The following CPT1A variants were observed in gnomAD, a reference collection of about 807,000 sequenced individuals.
The protein encoded by CPT1A is carnitine O-palmitoyltransferase 1, liver isoform.
In CPT1A, 64 loss-of-function variants were observed where a neutral mutation model predicts 100.8. That is an observed-to-expected ratio of 0.63 (90% CI 0.52 to 0.78). The LOEUF is 0.78. Ranked by LOEUF, CPT1A falls within the 30% of genes least tolerant of loss-of-function variation. The probability of loss-of-function intolerance (pLI) is 0.00; values close to 1 mark genes in which losing one functional copy is unlikely to be tolerated. For synonymous variants in CPT1A, 363 were observed against 396.0 expected (o/e 0.92, Z 0.99); for missense variants, 802 against 1,034.1 (o/e 0.78, Z 3.08).
At chr11:68,801,750 T>C (rs779242981) in intron 5 of CPT1A, among the ~76,000 whole-genome samples, 1 of 148,072 alleles carries the variant, frequency 6.8e-6, no homozygotes, top group Non-Finnish European at 1.5e-5. Context: ...AGTTTTAAAA[T>C]TGGAGTCCCA....
chr11:68,802,011 C>T (rs1054389584), intron 5 of CPT1A, among the ~76,000 whole-genome samples: 5 of 152,146 alleles, frequency 3.3e-5, no homozygotes, highest in African/African-American at 1.2e-4. Flanking sequence ...ACTCTAAAGA[C>T]ATGCTAGTCA....
At chr11:68,784,303 G>A (rs928409545) in intron 10 of CPT1A, among the ~76,000 whole-genome samples, 91 of 152,326 alleles carry the variant, frequency 6.0e-4, no homozygotes, top group African/African-American at 2.1e-3. Flanking sequence ...GTTCATGCCT[G>A]TAATCCCAGA....
upstream of CPT1A, among the ~76,000 whole-genome samples, chr11:68,842,517 C>A (rs2154003444): frequency 6.6e-6 from 1 of 152,254 alleles, no homozygotes; most frequent in Admixed American, 6.5e-5. Flanking sequence ...CCAAATCAGA[C>A]CTTATACCAC....
chr11:68,796,834 C>T (rs749216932), intron 7 of CPT1A, 22 bp downstream of exon 7: 2 of 1,612,086 alleles, frequency 1.2e-6, no homozygotes, highest in East Asian at 2.2e-5. Flanking sequence ...CGTCAGACAG[C>T]AGCCCGGGCG....
intron 16 of CPT1A, among the ~76,000 whole-genome samples, chr11:68,761,296 G>A (rs1488646538): frequency 2.0e-5 from 3 of 150,604 alleles, no homozygotes; most frequent in South Asian, 2.2e-4. Flanking sequence ...TTACTGTGAC[G>A]TAAGCTCTCG....
chr11:68,827,816 CTG>C (rs1295639209), intron 1 of CPT1A, among the ~76,000 whole-genome samples: 4 of 152,182 alleles, frequency 2.6e-5, no homozygotes, highest in Admixed American at 2.6e-4. Context: ...GCTGCCTACT[CTG>C]TGCGCGGTCC....
intron 1 of CPT1A, among the ~76,000 whole-genome samples, chr11:68,838,856 CG>C (rs1257404935): frequency 1.3e-5 from 2 of 152,200 alleles, no homozygotes; most frequent in Non-Finnish European, 2.9e-5. Context: ...GCGTGAGCCA[CG>C]GGGCCGGGCC....
rs1388530890 is a variant in CPT1A at position 68,812,368 on chromosome 11, A to G, written c.281+69T>C. 1.9e-6 allele frequency: 3 copies of G among 1,574,980 alleles called. No individual in the cohort carries two copies. The African/African-American group carries it at 4.0e-5, about 21-fold the overall frequency. ...AGAACAGTGACAATCATCACATTTG[A>G]AGAGACATAAAAACAGCAATAAAAT... On this transcript the variant is annotated intron_variant, in intron 3 of 18. Transcript: ENST00000265641.
In CPT1A at chr11:68,793,386, G is replaced by A; in HGVS notation, c.896C>T (p.Ser299Phe). 6.2e-7 allele frequency: 1 copy of A among 1,610,816 alleles called. No individual in the cohort carries two copies. The highest frequency in any genetic ancestry group is 2.2e-5 in the East Asian group (1 of 44,842). The change falls in exon 9 of 19, where the codon TCC becomes TTC. Residue 299 changes from serine to phenylalanine, a missense_variant. Physicochemically the swap from Ser to Phe is radical, Grantham distance 155. This residue lies in a region of CPT1A where 627 missense variants were observed against 799.3 expected (regional missense o/e 0.78). Transcript: ENST00000265641. ...EEIKPIRLLG[S>F]TIPLCSAQWE... is the part of the protein sequence containing the mutation. ...CTGAGCGGAGCAGAGTGGAATCGTG[G>A]ATCCCAAAAGACGAATCTGTAACAA...
intron 6 of CPT1A, among the ~76,000 whole-genome samples, 177 bp from the exon 7 acceptor site, chr11:68,797,110 G>A (rs552998720): frequency 1.3e-5 from 2 of 152,274 alleles, no homozygotes; most frequent in South Asian, 2.1e-4. Flanking sequence ...ATGCGACACC[G>A]TGGGAAATGA....
chr11:68,820,224 G>A (rs982063100), intron 1 of CPT1A, among the ~76,000 whole-genome samples: 10 of 151,864 alleles, frequency 6.6e-5, no homozygotes, highest in South Asian at 2.1e-4. Flanking sequence ...TAGAGACAGC[G>A]TTTCACCACC....
At chr11:68,814,341 C>T (rs113139471) in intron 2 of CPT1A, among the ~76,000 whole-genome samples, 1 of 152,072 alleles carries the variant, frequency 6.6e-6, no homozygotes, top group Non-Finnish European at 1.5e-5. Flanking sequence ...GAGTCTCGCT[C>T]TCTCACCCAG....
At chr11:68,764,701 A>G (rs1404995260) in intron 14 of CPT1A, among the ~76,000 whole-genome samples, 3 of 152,226 alleles carry the variant, frequency 2.0e-5, no homozygotes, top group Non-Finnish European at 2.9e-5. Flanking sequence ...GAAAGGCAGA[A>G]GGTAGCGTCC....
chr11:68,757,980 C>T (rs1946724921), intron 18 of CPT1A, among the ~76,000 whole-genome samples: 1 of 152,184 alleles, frequency 6.6e-6, no homozygotes, highest in African/African-American at 2.4e-5. Context: ...ATGCGTTTAT[C>T]CCACGGAAAA....
At position 68,793,521 on chromosome 11, in the gene CPT1A, G is replaced by A. The variant is rs542609446; in HGVS notation, c.880-119C>T. Reference sequence around the variant, plus strand: ...AACACTTTGGGAGGCTGAGGCGGGCGGATCACGAGGTCAGTAGATGGAGAC... The same window carrying A: ...AACACTTTGGGAGGCTGAGGCGGGCAGATCACGAGGTCAGTAGATGGAGAC... On this transcript the variant is annotated intron_variant, in intron 8 of 18. Transcript: ENST00000265641. The A allele has an allele frequency of 2.2e-5, 15 of 694,448 alleles. No individual in the cohort carries two copies. The East Asian group carries it at 3.2e-4, about 15-fold the overall frequency. 43.0% of individuals were successfully genotyped at this position (694,448 alleles called of 1,614,324 possible). A position where few individuals can be genotyped will look rare whatever the true frequency, so the allele number is the denominator to read the frequency against.
chr11:68,767,827 A>G (rs1854852983), intron 14 of CPT1A, among the ~76,000 whole-genome samples: 1 of 152,082 alleles, frequency 6.6e-6, no homozygotes, highest in African/African-American at 2.4e-5. Flanking sequence ...TTTGTGTAAC[A>G]AATATGTAAC....
At chr11:68,788,427 C>T (rs1252866249) in intron 9 of CPT1A, among the ~76,000 whole-genome samples, 2 of 151,754 alleles carry the variant, frequency 1.3e-5, no homozygotes, top group African/African-American at 2.4e-5. Context: ...GGCAAAACCC[C>T]GTCTCTATTA....
intron 1 of CPT1A, among the ~76,000 whole-genome samples, chr11:68,824,248 CAAAAA>C (rs34276531): frequency 1.4e-5 from 1 of 69,118 alleles, no homozygotes; most frequent in Non-Finnish European, 3.3e-5. Context: ...AGCTCCATCT[CAAAAA>C]AAAAAAAAAA....
intron 9 of CPT1A, chr11:68,785,778 G>T: frequency 3.7e-6 from 2 of 537,796 alleles, no homozygotes; most frequent in Admixed American, 3.4e-5. Flanking sequence ...AATGACAATA[G>T]GGCAACTTAG....
Sources: gnomAD v4.1 joint callset for allele counts (sites outside exome capture counted in the v4.1 genomes callset) on GRCh38, gnomAD v4.1.1 for gene constraint, gnomAD v4.1.1 regional missense constraint, MANE v1.5 for transcripts, NCBI Gene and HGNC (gene_info 2026-07-23, HGNC 2026-07-21) for gene names.